Variants in ACO1 observed in about 807,000 individuals in gnomAD.
ACO1 encodes cytoplasmic aconitate hydratase.
ACO1 carries 78 observed loss-of-function variants against 105.1 expected under a neutral mutation model. The ratio of observed to expected loss-of-function variants is 0.74; its 90% CI spans 0.62 to 0.90. The LOEUF is 0.90. Among genes scored for constraint, ACO1 ranks in the 40% least tolerant of loss-of-function variants. The probability of loss-of-function intolerance (pLI) is 0.00; values close to 1 mark genes in which losing one functional copy is unlikely to be tolerated. For synonymous variants in ACO1, 364 were observed against 397.4 expected (o/e 0.92, Z 1.00); for missense variants, 965 against 1,111.1 (o/e 0.87, Z 1.87).
At chr9:32,411,965 C>G (rs1280512033) in intron 4 of ACO1, among the ~76,000 whole-genome samples, 2 of 152,124 alleles carry the variant, frequency 1.3e-5, no homozygotes, top group Non-Finnish European at 2.9e-5. Context: ...CCTTGACCTC[C>G]TGGGCTTAAG....
intron 4 of ACO1, among the ~76,000 whole-genome samples, chr9:32,416,058 CA>C (rs1194261173): frequency 6.7e-5 from 10 of 149,572 alleles, no homozygotes; most frequent in Non-Finnish European, 1.2e-4. Context: ...ATATTCATAT[CA>C]AGAGAAAAAA....
At chr9:32,433,604 T>C (rs1822287902) in intron 15 of ACO1, 124 bp from the exon 16 acceptor site, 1 of 676,496 alleles carries the variant, frequency 1.5e-6, no homozygotes, top group East Asian at 2.7e-5. Context: ...CTCTTGTATG[T>C]GGCTATTGAG....
At chr9:32,440,236 C>A (rs1433895060) in intron 18 of ACO1, among the ~76,000 whole-genome samples, 2 of 151,092 alleles carry the variant, frequency 1.3e-5, no homozygotes, top group African/African-American at 4.9e-5. Context: ...CCACTGCACT[C>A]CAGCCTAGAC....
Position 32,405,650 on chromosome 9 carries a change from A to G in ACO1, c.97+47A>G, listed in dbSNP as rs200697667. The G allele has an allele frequency of 7.6e-5, 102 of 1,336,594 alleles. No homozygotes were observed. The African/African-American group carries it at 1.2e-3, about 16-fold the overall frequency. The allele number at this position is 1,336,594 out of a possible 1,614,324, so 82.8% of individuals were successfully genotyped here. A position where few individuals can be genotyped will look rare whatever the true frequency, so the allele number is the denominator to read the frequency against. On this transcript the variant is annotated intron_variant, in intron 2 of 20. Transcript: ENST00000309951. ...CAATTGGAATCTCATTTGCACAATG[A>G]TTAGGCTATGTAATTAATTACACTT...
chr9:32,433,854 C>T, intron 16 of ACO1, 22 bp downstream of exon 16: 1 of 1,529,326 alleles, frequency 6.5e-7, no homozygotes, highest in Non-Finnish European at 8.9e-7. Flanking sequence ...TATTTTTTAA[C>T]AAAATGAATT....
chr9:32,447,413 A>G (rs1010144675), intron 19 of ACO1, among the ~76,000 whole-genome samples: 8 of 150,822 alleles, frequency 5.3e-5, no homozygotes, highest in African/African-American at 2.0e-4. Flanking sequence ...TTTCAGCTCT[A>G]TCAGGTCATT....
At chr9:32,438,026 G>GAA (rs1822402011) in intron 18 of ACO1, among the ~76,000 whole-genome samples, 1 of 152,136 alleles carries the variant, frequency 6.6e-6, no homozygotes, top group Non-Finnish European at 1.5e-5. Flanking sequence ...AATCCAGATT[G>GAA]AAAAGGCCCA....
In ACO1 at chr9:32,405,334, A is replaced by T. The variant is rs1036785184; in HGVS notation, c.-22-151A>T. Reference sequence around the variant, plus strand: ...AAATGTCTATTTCTTTTAAATTTTTAACTATTTTTTTTAAAGTTCAGTGTG... The same window carrying T: ...AAATGTCTATTTCTTTTAAATTTTTTACTATTTTTTTTAAAGTTCAGTGTG... On this transcript the variant is annotated intron_variant, in intron 1 of 20. Coordinates refer to ENST00000309951, the MANE Select transcript of ACO1 (RefSeq NM_002197.3). 4 of 574,366 alleles carry T rather than the reference A, an allele frequency of 7.0e-6. No homozygotes were observed. The African/African-American group carries it at 7.5e-5, about 11-fold the overall frequency. 35.6% of individuals were successfully genotyped at this position (574,366 alleles called of 1,614,324 possible).
intron 1 of ACO1, among the ~76,000 whole-genome samples, chr9:32,388,928 A>T (rs1210243939): frequency 6.6e-6 from 1 of 152,206 alleles, no homozygotes; most frequent in Non-Finnish European, 1.5e-5. Context: ...TCCTCCCCCA[A>T]TTAAAAAAAA....
intron 1 of ACO1, among the ~76,000 whole-genome samples, chr9:32,385,971 A>G (rs577556977): frequency 6.6e-6 from 1 of 152,342 alleles, no homozygotes; most frequent in South Asian, 2.1e-4. Flanking sequence ...GGTATCTGGA[A>G]CCAAGTTTGA....
Position 32,408,496 on chromosome 9 carries a change from T to C in ACO1, c.267-18T>C. On this transcript the variant is annotated intron_variant, in intron 3 of 20. Transcript: ENST00000309951. The stretch of plus-strand genomic sequence containing the variant: ...CATTTAAGGCTTATTTTCTGCATTA[T>C]TCTCTTTCTTCTCTTAGGGGTGTGC... The C allele has an allele frequency of 6.2e-7, 1 of 1,613,110 alleles. No homozygotes were observed. The highest frequency in any genetic ancestry group is 8.5e-7 in the Non-Finnish European group (1 of 1,179,686).
intron 13 of ACO1, 106 bp downstream of exon 13, chr9:32,429,609 GT>G: frequency 1.0e-6 from 1 of 967,060 alleles, no homozygotes; most frequent in Non-Finnish European, 1.6e-6. Flanking sequence ...AGGGGATGTG[GT>G]TTAGAGTATG....
intron 4 of ACO1, among the ~76,000 whole-genome samples, chr9:32,414,832 C>A (rs988846885): frequency 3.3e-5 from 5 of 152,060 alleles, no homozygotes; most frequent in Admixed American, 1.3e-4. Flanking sequence ...AAAATTAAAT[C>A]CATTTAGCAG....
intron 19 of ACO1, among the ~76,000 whole-genome samples, chr9:32,447,498 A>T (rs781250467): frequency 6.6e-6 from 1 of 152,096 alleles, no homozygotes; most frequent in African/African-American, 2.4e-5. Flanking sequence ...GCTTCCTTAC[A>T]TTGGGTTAAA....
intron 2 of ACO1, among the ~76,000 whole-genome samples, chr9:32,406,253 C>T (rs923787330): frequency 2.0e-5 from 3 of 152,136 alleles, no homozygotes; most frequent in Non-Finnish European, 2.9e-5. Context: ...GTTATTTTCT[C>T]ATTTCTTGAG....
chr9:32,446,657 G>A (rs1465319226), intron 19 of ACO1, among the ~76,000 whole-genome samples: 1 of 152,190 alleles, frequency 6.6e-6, no homozygotes, highest in African/African-American at 2.4e-5. Flanking sequence ...TTGCCCATTA[G>A]TTGATGCAGT....
In ACO1 at chr9:32,405,556, C is replaced by A. The variant is rs1169434132; in HGVS notation, c.50C>A (p.Pro17Gln). Residue 17 changes from proline to glutamine, a missense_variant, in exon 2 of 21, where the codon CCA becomes CAA. By Grantham distance (76) the Pro-to-Gln change is moderately conservative. Transcript: ENST00000309951. ...GCTGAGCCATTGGATCCTGTACAAC[C>A]AGGAAAGAAATTCTTCAATTTGAAT... ...HLAEPLDPVQ[P>Q]GKKFFNLNKL... 1 of 1,613,982 alleles carries A rather than the reference C, an allele frequency of 6.2e-7. No individual in the cohort carries two copies. The highest frequency in any genetic ancestry group is 8.5e-7 in the Non-Finnish European group (1 of 1,179,956).
intron 12 of ACO1, among the ~76,000 whole-genome samples, chr9:32,428,587 C>T (rs755252557): frequency 2.0e-5 from 3 of 152,040 alleles, no homozygotes; most frequent in Non-Finnish European, 4.4e-5. Context: ...GCCTGTAATC[C>T]CAGCACTTTG....
chr9:32,436,176 C>A, intron 17 of ACO1, 74 bp from the exon 18 acceptor site: 1 of 1,587,866 alleles, frequency 6.3e-7, no homozygotes, highest in Middle Eastern at 1.7e-4. Flanking sequence ...TTGTTTTTTT[C>A]TTTTCTTGGT....
Sources: gnomAD v4.1 joint callset for allele counts (sites outside exome capture counted in the v4.1 genomes callset) on GRCh38, gnomAD v4.1.1 for gene constraint, MANE v1.5 for transcripts, NCBI Gene and HGNC (gene_info 2026-07-23, HGNC 2026-07-21) for gene names.